Variants in SPSB4 observed in about 807,000 individuals in gnomAD.
SPSB4 encodes the protein splA/ryanodine receptor domain and SOCS box containing 4, also known as SPRY domain-containing SOCS box protein 4.
SPSB4 carries 21 observed loss-of-function variants against 20.9 expected under a neutral mutation model. The ratio of observed to expected loss-of-function variants is 1.01; its 90% CI spans 0.71 to 1.45. The LOEUF is 1.45. Ranked by LOEUF, SPSB4 falls within the 40% of genes most tolerant of loss-of-function variation. The pLI is 0.00. For synonymous variants in SPSB4, 207 were observed against 183.8 expected (o/e 1.13, Z -1.02); for missense variants, 399 against 399.2 (o/e 1.00, Z 0.00).
chr3:141,085,059 G>C (rs770288561), intron 2 of SPSB4, among the ~76,000 whole-genome samples: 2 of 152,312 alleles, frequency 1.3e-5, no homozygotes, highest in East Asian at 3.9e-4. Context: ...TGCTTGAGCC[G>C]AGTCTTGGAG....
chr3:141,144,330 T>G (rs143893308), intron 2 of SPSB4, among the ~76,000 whole-genome samples: 1 of 152,368 alleles, frequency 6.6e-6, no homozygotes, highest in African/African-American at 2.4e-5. Flanking sequence ...TTCACCTTTA[T>G]GAACAATGAT....
chr3:141,092,586 T>G (rs549868878), intron 2 of SPSB4, among the ~76,000 whole-genome samples: 37 of 152,318 alleles, frequency 2.4e-4, no homozygotes, highest in Non-Finnish European at 4.0e-4. Context: ...TGGGGCCTGC[T>G]CAGGCAGCTA....
In SPSB4 at chr3:141,059,635, A is replaced by C. The variant is rs181887231; in HGVS notation, c.-153-6317A>C. 2.1e-3 allele frequency among the ~76,000 whole-genome samples: 316 copies of C among 152,278 alleles called. 4 individuals carry two copies. Among genetic ancestry groups the C allele is most frequent in the African/African-American group, 7.5e-3 (310 of 41,564 alleles). On this transcript the variant is annotated intron_variant, in intron 1 of 2. Transcript: ENST00000310546. ...GCTCCCACCAGGCCTCACCTCCAGCACTGAGGATTACAACTCAACATGAGA... is the reference window on the plus strand; with the variant it reads ...GCTCCCACCAGGCCTCACCTCCAGCCCTGAGGATTACAACTCAACATGAGA...
At position 141,066,248 on chromosome 3, in the gene SPSB4, G is replaced by T; in HGVS notation, c.144G>T (p.Leu48=). The T allele has an allele frequency of 6.5e-7, 1 of 1,534,980 alleles. No homozygotes were observed. Among genetic ancestry groups the T allele is most frequent in the Non-Finnish European group, 8.8e-7 (1 of 1,141,654 alleles). Reference sequence around the variant, plus strand: ...TGTTGGACATGCCAGCGGCGGGGCTGGCTGTGCAGCTGCGGCACGCGTGGA... The same window carrying T: ...TGTTGGACATGCCAGCGGCGGGGCTTGCTGTGCAGCTGCGGCACGCGTGGA... ...DQLLDMPAAG[L]AVQLRHAWNP... The change falls in exon 2 of 3, where the codon CTG becomes CTT. Residue 48 remains leucine (L), a synonymous_variant. Transcript: ENST00000310546.
At chr3:141,116,357 G>A (rs1240594301) in intron 2 of SPSB4, among the ~76,000 whole-genome samples, 1 of 152,220 alleles carries the variant, frequency 6.6e-6, no homozygotes, top group African/African-American at 2.4e-5. Flanking sequence ...CACTAGGCAG[G>A]GTCCCTCACT....
chr3:141,124,170 A>G (rs572347490), intron 2 of SPSB4: 4 of 152,268 alleles, frequency 2.6e-5, no homozygotes, highest in South Asian at 4.1e-4. Flanking sequence ...TCTCATTCTC[A>G]TTGACCCAGA....
At chr3:141,145,143 TATTTGACTATTCTGAAG>T (rs1189891500) in intron 2 of SPSB4, among the ~76,000 whole-genome samples, 1 of 151,776 alleles carries the variant, frequency 6.6e-6, no homozygotes, top group Admixed American at 6.6e-5. Context: ...ACTGTCTCCA[TATTTGACTATTCTGAAG>T]ATTTTGTACA....
intron 2 of SPSB4, among the ~76,000 whole-genome samples, chr3:141,113,124 T>C (rs1938829657): frequency 6.6e-6 from 1 of 152,090 alleles, no homozygotes; most frequent in African/African-American, 2.4e-5. Context: ...ATGGTTATAA[T>C]TAAAAAGCAA....
intron 2 of SPSB4, among the ~76,000 whole-genome samples, chr3:141,112,100 T>G (rs1199304961): frequency 6.6e-6 from 1 of 152,256 alleles, no homozygotes; most frequent in East Asian, 1.9e-4. Flanking sequence ...GAACCTGGGC[T>G]AGGACTGTGG....
chr3:141,072,110 T>G (rs1451678169), intron 2 of SPSB4, among the ~76,000 whole-genome samples: 2 of 152,218 alleles, frequency 1.3e-5, no homozygotes, highest in African/African-American at 4.8e-5. Flanking sequence ...CAATCTGTCC[T>G]GACCCCAGCT....
intron 2 of SPSB4, among the ~76,000 whole-genome samples, 175 bp downstream of exon 2, chr3:141,066,973 G>C (rs1937898859): frequency 6.6e-6 from 1 of 152,196 alleles, no homozygotes; most frequent in African/African-American, 2.4e-5. Context: ...CTGTGCCTTA[G>C]TTCTCCCATC....
intron 1 of SPSB4, among the ~76,000 whole-genome samples, chr3:141,056,223 G>A (rs1937636589): frequency 6.6e-6 from 1 of 152,232 alleles, no homozygotes; most frequent in South Asian, 2.1e-4. Flanking sequence ...GTCATGTATG[G>A]TGAACTGGAG....
Position 141,147,282 on chromosome 3 carries a change from G to A in SPSB4, c.*13G>A. 6.2e-7 allele frequency: 1 copy of A among 1,614,098 alleles called. No homozygotes were observed. Among genetic ancestry groups the A allele is most frequent in the African/African-American group, 1.3e-5 (1 of 75,060 alleles). Reference sequence around the variant, plus strand: ...GCAGTACCAGTGAGCCAAGCCTGATGGGCAGCACAGACACAGACACACACC... The same window carrying A: ...GCAGTACCAGTGAGCCAAGCCTGATAGGCAGCACAGACACAGACACACACC... On this transcript the variant is annotated 3_prime_UTR_variant, in exon 3 of 3. Transcript: ENST00000310546.
intron 2 of SPSB4, among the ~76,000 whole-genome samples, chr3:141,094,173 G>A (rs1938509085): frequency 6.6e-6 from 1 of 152,174 alleles, no homozygotes; most frequent in African/African-American, 2.4e-5. Flanking sequence ...CACTGCGTAT[G>A]TCCACCTTCT....
At chr3:141,116,662 A>G (rs542024516) in intron 2 of SPSB4, among the ~76,000 whole-genome samples, 21 of 152,204 alleles carry the variant, frequency 1.4e-4, no homozygotes, top group African/African-American at 5.1e-4. Context: ...AATAGTAACT[A>G]CCTCATTGGG....
chr3:141,070,569 A>G (rs1226114632), intron 2 of SPSB4, among the ~76,000 whole-genome samples: 7 of 152,090 alleles, frequency 4.6e-5, no homozygotes, highest in Admixed American at 3.3e-4. Flanking sequence ...TGTAGAGACA[A>G]TGTCTCACTA....
At chr3:141,117,742 G>T (rs1938900369) in intron 2 of SPSB4, among the ~76,000 whole-genome samples, 1 of 152,210 alleles carries the variant, frequency 6.6e-6, no homozygotes, top group Non-Finnish European at 1.5e-5. Context: ...TTATGAGTGA[G>T]AACATACAGT....
rs1451290056 is a variant in SPSB4, at chr3:141,147,329, A to C, written c.*60A>C. On this transcript the variant is annotated 3_prime_UTR_variant, in exon 3 of 3. Transcript: ENST00000310546. ...CACCGCAGGGCCCGACCCTCCTGTC[A>C]TTCACAGTCCCATGGCACATAGGGG... is the stretch of plus-strand genomic sequence containing the variant. The C allele has an allele frequency of 1.2e-6, 2 of 1,605,040 alleles. No individual in the cohort carries two copies. Among genetic ancestry groups the C allele is most frequent in the Admixed American group, 3.3e-5 (2 of 59,832 alleles).
intron 2 of SPSB4, among the ~76,000 whole-genome samples, chr3:141,092,900 C>T (rs1158043051): frequency 2.0e-5 from 3 of 152,204 alleles, no homozygotes; most frequent in East Asian, 1.9e-4. Flanking sequence ...CCCAAGACCA[C>T]GCAGCTGTTT....
Sources: allele counts gnomAD v4.1 joint callset (sites outside exome capture counted in the v4.1 genomes callset), GRCh38; gene constraint gnomAD v4.1.1; transcripts MANE v1.5; gene names NCBI Gene and HGNC (gene_info 2026-07-23, HGNC 2026-07-21).